Variants in CORO1C observed in about 807,000 individuals in gnomAD.
The protein encoded by CORO1C is coronin-1C.
A neutral mutation model predicts 51.2 loss-of-function variants in CORO1C; 14 were observed. The observed-to-expected ratio is 0.27, with a 90% CI of 0.18 to 0.43. The LOEUF is 0.43. Among genes scored for constraint, CORO1C ranks in the 20% least tolerant of loss-of-function variants. The pLI, the probability that CORO1C is intolerant of heterozygous loss-of-function variation, is 1.00. For synonymous variants in CORO1C, 181 were observed against 210.5 expected, an observed-to-expected ratio of 0.86 and a Z score of 1.21; for missense variants, 417 against 607.8, an observed-to-expected ratio of 0.69 and a Z score of 3.30.
intron 3 of CORO1C, among the ~76,000 whole-genome samples, chr12:108,676,099 T>G (rs1288519329): frequency 6.6e-6 from 1 of 152,126 alleles, no homozygotes; most frequent in Non-Finnish European, 1.5e-5. Context: ...AAGACCAATC[T>G]AGAGTCTAGA....
chr12:108,708,664 G>A (rs1318128657), intron 1 of CORO1C, among the ~76,000 whole-genome samples: 1 of 152,066 alleles, frequency 6.6e-6, no homozygotes, highest in Non-Finnish European at 1.5e-5. Context: ...GTTTCACCAT[G>A]TTGGTCAAGC....
intron 8 of CORO1C, among the ~76,000 whole-genome samples, chr12:108,650,786 T>C (rs1170959639): frequency 6.6e-6 from 1 of 152,272 alleles, no homozygotes; most frequent in African/African-American, 2.4e-5. Context: ...GTCGAACTTT[T>C]AGATGACAAC....
rs115608907 is a variant in CORO1C, at chr12:108,695,377, A to G, written c.195+5747T>C. On this transcript the variant is annotated intron_variant, in intron 2 of 10. Coordinates refer to ENST00000261401, the MANE Select transcript of CORO1C (RefSeq NM_014325.4). ...CCACCTACCACAATATAGTAAGGCA[A>G]GTTTTTGGAGAACCTGCACAAAAGG... 1.6e-3 allele frequency among the ~76,000 whole-genome samples: 249 copies of G among 152,338 alleles called. 1 individual carries two copies. Among genetic ancestry groups the G allele is most frequent in the African/African-American group, 5.6e-3 (234 of 41,570 alleles).
chr12:108,706,391 G>A (rs928038482), intron 1 of CORO1C, among the ~76,000 whole-genome samples: 2 of 151,994 alleles, frequency 1.3e-5, no homozygotes, highest in African/African-American at 4.8e-5. Flanking sequence ...GTCCACCCTT[G>A]CCACTTCTAT....
At chr12:108,668,401 C>A (rs1003399491) in intron 3 of CORO1C, 4 of 152,170 alleles carry the variant, frequency 2.6e-5, no homozygotes, top group African/African-American at 9.7e-5. Context: ...CTGAGAGGAA[C>A]CAAAACATCA....
At chr12:108,700,243 T>A (rs2034824716) in intron 2 of CORO1C, among the ~76,000 whole-genome samples, 1 of 152,152 alleles carries the variant, frequency 6.6e-6, no homozygotes, top group Non-Finnish European at 1.5e-5. Flanking sequence ...CCAGCCCTTA[T>A]CACTGGAGCT....
intron 3 of CORO1C, among the ~76,000 whole-genome samples, chr12:108,672,416 T>C (rs2033753496): frequency 6.6e-6 from 1 of 152,222 alleles, no homozygotes; most frequent in South Asian, 2.1e-4. Flanking sequence ...TTAACGATTT[T>C]CAGTATCATG....
At chr12:108,684,361 T>C (rs2136841023) in intron 2 of CORO1C, among the ~76,000 whole-genome samples, 1 of 152,260 alleles carries the variant, frequency 6.6e-6, no homozygotes, top group South Asian at 2.1e-4. Context: ...TACAATTCCT[T>C]TCAAGAGCAA....
intron 2 of CORO1C, among the ~76,000 whole-genome samples, chr12:108,689,814 T>TA: frequency 6.6e-6 from 1 of 152,202 alleles, no homozygotes. Flanking sequence ...ATTTCAATCA[T>TA]AACTTATTTT....
chr12:108,723,034 T>C (rs2035509197), intron 1 of CORO1C, among the ~76,000 whole-genome samples: 1 of 152,232 alleles, frequency 6.6e-6, no homozygotes, highest in South Asian at 2.1e-4. Flanking sequence ...GTGCATCTTA[T>C]TAAATATCAC....
intron 2 of CORO1C, among the ~76,000 whole-genome samples, chr12:108,683,459 A>AAAAAAAAGTAAC (rs2034194870): frequency 6.8e-6 from 1 of 148,138 alleles, no homozygotes; most frequent in South Asian, 2.1e-4. Context: ...TCAGTGGAAA[A>AAAAAAAAGTAAC]AAAATAAATA....
intron 1 of CORO1C, 147 bp from the exon 2 acceptor site, chr12:108,701,470 T>G: frequency 7.7e-7 from 1 of 1,306,840 alleles, no homozygotes. Context: ...CAATCCAAAT[T>G]TCTTTTAGCA....
chr12:108,693,233 G>A (rs551271341), intron 2 of CORO1C, among the ~76,000 whole-genome samples: 1 of 152,098 alleles, frequency 6.6e-6, no homozygotes, highest in Non-Finnish European at 1.5e-5. Flanking sequence ...ACAACCTCAC[G>A]GTCTTGGACA....
chr12:108,678,207 C>T (rs1338393337), intron 3 of CORO1C, 65 bp downstream of exon 3: 6 of 1,517,614 alleles, frequency 4.0e-6, no homozygotes, highest in Non-Finnish European at 5.4e-6. Context: ...CACCCACACA[C>T]ATGCTTTTGA....
At chr12:108,711,170 C>T (rs2035168098) in intron 1 of CORO1C, among the ~76,000 whole-genome samples, 1 of 151,746 alleles carries the variant, frequency 6.6e-6, no homozygotes, top group Non-Finnish European at 1.5e-5. Context: ...CGAGACCAGC[C>T]CAGGCAACAT....
rs2033068902 is a variant in CORO1C at position 108,657,298 on chromosome 12, G to C, written c.750+6C>G. The C allele has an allele frequency of 6.2e-7, 1 of 1,613,414 alleles. No individual in the cohort carries two copies. The highest frequency in any genetic ancestry group is 1.1e-5 in the South Asian group (1 of 91,006). ...AAAGCAAGTGGAAAGCCTGGGGAGG[G>C]CGTACCGGATTCCAGAGAGCCAGCT... On this transcript the variant is annotated splice_donor_region_variant and intron_variant, in intron 6 of 10. Coordinates refer to ENST00000261401, the MANE Select transcript of CORO1C (RefSeq NM_014325.4).
intron 6 of CORO1C, among the ~76,000 whole-genome samples, chr12:108,656,734 G>C (rs1031936706): frequency 2.0e-5 from 3 of 152,228 alleles, no homozygotes; most frequent in African/African-American, 7.2e-5. Flanking sequence ...GGATGTTGTT[G>C]ATCTATGACC....
At chr12:108,695,871 A>AC (rs2034660931) in intron 2 of CORO1C, among the ~76,000 whole-genome samples, 1 of 151,854 alleles carries the variant, frequency 6.6e-6, no homozygotes. Context: ...AAAAAAAAAA[A>AC]AAAACAGTCT....
intron 1 of CORO1C, chr12:108,730,937 TA>T (rs1867043416): frequency 7.0e-6 from 1 of 142,164 alleles, no homozygotes; most frequent in Admixed American, 6.9e-5. Flanking sequence ...GCCCGGCCCC[TA>T]CCCGCCCCCA....
Sources: gnomAD v4.1 joint callset for allele counts (sites outside exome capture counted in the v4.1 genomes callset) on GRCh38, gnomAD v4.1.1 for gene constraint, MANE v1.5 for transcripts, NCBI Gene and HGNC (gene_info 2026-07-23, HGNC 2026-07-21) for gene names.